TTC6: variants seen among roughly 807,000 people sequenced by gnomAD.
The protein encoded by TTC6 is tetratricopeptide repeat protein 6.
A neutral mutation model predicts 210.4 loss-of-function variants in TTC6; 172 were observed. The observed-to-expected ratio is 0.82, with a 90% CI of 0.72 to 0.93. The LOEUF (loss-of-function observed/expected upper bound fraction) is 0.93. Among genes scored for constraint, TTC6 ranks in the 40% least tolerant of loss-of-function variants. The pLI, the probability that TTC6 is intolerant of heterozygous loss-of-function variation, is 0.00. For missense variants in TTC6, 2,414 were observed against 2,318.1 expected, an observed-to-expected ratio of 1.04 and a Z score of -0.85; for synonymous variants, 804 against 819.6, an observed-to-expected ratio of 0.98 and a Z score of 0.32.
intron 1 of TTC6, among the ~76,000 whole-genome samples, chr14:37,628,378 CAT>C (rs754839819): frequency 8.5e-5 from 13 of 152,152 alleles, no homozygotes; most frequent in Non-Finnish European, 1.5e-4. Flanking sequence ...GAGCTTTTTT[CAT>C]ATGTTTGTTG....
chr14:37,724,985 C>G, exon 7 of TTC6: 7 of 1,517,936 alleles, frequency 4.6e-6, no homozygotes, highest in Middle Eastern at 1.7e-4. Context: ...GAAGGAAACT[C>G]TATATCCAAA....
chr14:37,831,577 G>GT lies in TTC6; in HGVS notation c.5298+4219dup, dbSNP rs201866286. On this transcript the variant is annotated intron_variant, in intron 29 of 30. Coordinates refer to ENST00000553443, the Ensembl canonical transcript of TTC6. ...CCGATTCTCTGTATTCTTGCCAGACGTTTTTTTTGTGTGTGTTTTTCTTTG... is the reference window on the plus strand; with the variant it reads ...CCGATTCTCTGTATTCTTGCCAGACGTTTTTTTTTGTGTGTGTTTTTCTTTG... Among the ~76,000 whole-genome samples the GT allele has an allele frequency of 7.4e-3, 1,100 of 149,192 alleles. 15 individuals are homozygous for GT. Among genetic ancestry groups the GT allele is most frequent in the South Asian group, 0.016 (73 of 4,656 alleles).
intron 6 of TTC6, among the ~76,000 whole-genome samples, chr14:37,722,308 T>C (rs2095863494): frequency 6.6e-6 from 1 of 152,172 alleles, no homozygotes; most frequent in Non-Finnish European, 1.5e-5. Context: ...AATATTTTCC[T>C]AGGACTCTTC....
intron 5 of TTC6, among the ~76,000 whole-genome samples, chr14:37,702,320 A>G (rs1181365043): frequency 6.6e-6 from 1 of 152,158 alleles, no homozygotes; most frequent in Non-Finnish European, 1.5e-5. Flanking sequence ...CCACTTAAAG[A>G]GAATTTTAAG....
chr14:37,817,200 T>C (rs2096144078), intron 25 of TTC6, among the ~76,000 whole-genome samples: 1 of 152,136 alleles, frequency 6.6e-6, no homozygotes, highest in Non-Finnish European at 1.5e-5. Context: ...CTTTTCTGTC[T>C]AGATAGAGAA....
intron 1 of TTC6, among the ~76,000 whole-genome samples, chr14:37,632,839 C>T (rs1293279350): frequency 6.6e-6 from 1 of 152,226 alleles, no homozygotes; most frequent in East Asian, 1.9e-4. Context: ...TCTAGAGAGG[C>T]AGTCTGGCTA....
intron 5 of TTC6, among the ~76,000 whole-genome samples, chr14:37,703,089 G>A (rs913258352): frequency 2.0e-5 from 3 of 151,832 alleles, no homozygotes; most frequent in African/African-American, 7.3e-5. Context: ...ATATGTTAAA[G>A]CCTAAAGCTA....
chr14:37,623,641 G>A lies in TTC6; in HGVS notation c.939+638G>A, dbSNP rs978894814. Among the ~76,000 whole-genome samples, 9 of 152,114 alleles carry A rather than the reference G, an allele frequency of 5.9e-5. No individual in the cohort carries two copies. The East Asian group carries it at 1.5e-3, about 26-fold the overall frequency. On this transcript the variant is annotated intron_variant, in intron 1 of 30. Coordinates refer to ENST00000553443, the Ensembl canonical transcript of TTC6. ...GATACTAATAAAAGTCCTGTCTGAC[G>A]TGGAGGCCTTCTAGCTTTAGTGAAG...
chr14:37,724,902 A>G (rs34543736), exon 7 of TTC6: 115,887 of 1,512,888 alleles, frequency 0.077, 5,182 homozygotes, highest in Non-Finnish European at 0.086. Flanking sequence ...TCAAAGATGT[A>G]TGCTTATCCA....
At chr14:37,597,724 A>C (rs35945397) in intron 1 of TTC6, among the ~76,000 whole-genome samples, 3,879 of 152,158 alleles carry the variant, frequency 0.025, 169 homozygotes, top group African/African-American at 0.089. Flanking sequence ...TTTCCACGAA[A>C]ACAGCGCCTC....
intron 10 of TTC6, among the ~76,000 whole-genome samples, chr14:37,746,374 A>G (rs2095935994): frequency 6.6e-6 from 1 of 152,198 alleles, no homozygotes; most frequent in Non-Finnish European, 1.5e-5. Context: ...CCTGAACCTT[A>G]GAACTCATTC....
chr14:37,620,224 T>C (rs1443350854), upstream of TTC6, among the ~76,000 whole-genome samples: 1 of 152,208 alleles, frequency 6.6e-6, no homozygotes, highest in African/African-American at 2.4e-5. Flanking sequence ...CATATATATA[T>C]ATTTTAAATT....
intron 12 of TTC6, among the ~76,000 whole-genome samples, chr14:37,750,742 T>A (rs992087018): frequency 1.3e-5 from 2 of 151,858 alleles, no homozygotes; most frequent in Admixed American, 6.6e-5. Flanking sequence ...ATACAAAAAT[T>A]AGCTGGGTGT....
exon 16 of TTC6, chr14:37,790,769 A>G (rs2096077538): frequency 6.5e-7 from 1 of 1,534,786 alleles, no homozygotes; most frequent in African/African-American, 1.4e-5. Flanking sequence ...ATCGGGGAAT[A>G]GTCTATGCAC....
intron 1 of TTC6, among the ~76,000 whole-genome samples, chr14:37,668,633 G>A (rs773859812): frequency 7.9e-5 from 12 of 152,162 alleles, no homozygotes; most frequent in Non-Finnish European, 1.5e-4. Flanking sequence ...TAAATCCAGA[G>A]ACTCATGGAT....
chr14:37,647,754 CG>C (rs1454711382), intron 1 of TTC6, among the ~76,000 whole-genome samples: 1 of 151,756 alleles, frequency 6.6e-6, no homozygotes, highest in Non-Finnish European at 1.5e-5. Flanking sequence ...AGAGATGACC[CG>C]GGGGATAAGT....
At chr14:37,790,928 G>T in intron 16 of TTC6, 91 bp downstream of exon 18, 2 of 1,099,198 alleles carry the variant, frequency 1.8e-6, no homozygotes, top group Non-Finnish European at 1.3e-6. Flanking sequence ...CCTCATCATT[G>T]ATAACCTAGA....
At chr14:37,726,571 T>G (rs2095873419) in intron 7 of TTC6, among the ~76,000 whole-genome samples, 1 of 152,182 alleles carries the variant, frequency 6.6e-6, no homozygotes, top group South Asian at 2.1e-4. Context: ...TAGTGTATTT[T>G]TTTTTCCCTT....
chr14:37,791,947 G>A (rs1459936440), intron 16 of TTC6, among the ~76,000 whole-genome samples: 2 of 152,064 alleles, frequency 1.3e-5, no homozygotes, highest in Admixed American at 1.3e-4. Context: ...CTTTAGTTGA[G>A]AAAAACTAAG....
Sources: gnomAD v4.1 joint callset for allele counts (sites outside exome capture counted in the v4.1 genomes callset) on GRCh38, gnomAD v4.1.1 for gene constraint, MANE v1.5 for transcripts, NCBI Gene and HGNC (gene_info 2026-07-23, HGNC 2026-07-21) for gene names.